PLEKHG1: variants seen among roughly 807,000 people sequenced by gnomAD.
PLEKHG1 encodes the protein pleckstrin homology domain-containing family G member 1.
PLEKHG1 carries 44 observed loss-of-function variants against 100.8 expected under a neutral mutation model. That is an observed-to-expected ratio of 0.44 (90% CI 0.34 to 0.56). The LOEUF is 0.56. PLEKHG1 is among the 20% of genes least tolerant of loss of function. The pLI, the probability that PLEKHG1 is intolerant of heterozygous loss-of-function variation, is 0.01. For missense variants in PLEKHG1, 1,545 were observed against 1,720.9 expected, an observed-to-expected ratio of 0.90 and a Z score of 1.81; for synonymous variants, 640 against 662.5, an observed-to-expected ratio of 0.97 and a Z score of 0.52.
intron 2 of PLEKHG1, among the ~76,000 whole-genome samples, chr6:150,761,515 G>C (rs1335455560): frequency 1.3e-5 from 2 of 151,718 alleles, no homozygotes; most frequent in South Asian, 2.1e-4. Context: ...GGCTGGTCTC[G>C]AACTCCTGAC....
At chr6:150,786,364 C>T (rs759279395) in intron 3 of PLEKHG1, 26 bp from the exon 5 acceptor site, 6 of 1,517,786 alleles carry the variant, frequency 4.0e-6, no homozygotes, top group Non-Finnish European at 5.5e-6. Flanking sequence ...CAATCTAATA[C>T]TTCCTGGCTG....
chr6:150,812,212 T>C (rs1787571256), intron 10 of PLEKHG1, among the ~76,000 whole-genome samples: 1 of 151,984 alleles, frequency 6.6e-6, no homozygotes, highest in Non-Finnish European at 1.5e-5. Context: ...GAAATTCAGG[T>C]CTTGGAAGCT....
chr6:150,765,381 T>C (rs1368522999), intron 2 of PLEKHG1, among the ~76,000 whole-genome samples: 3 of 151,734 alleles, frequency 2.0e-5, no homozygotes, highest in Non-Finnish European at 4.4e-5. Context: ...CAATCTCAGC[T>C]ACTCGAGGGG....
intron 15 of PLEKHG1, among the ~76,000 whole-genome samples, chr6:150,835,098 T>C (rs1777155901): frequency 6.6e-6 from 1 of 152,214 alleles, no homozygotes; most frequent in Admixed American, 6.5e-5. Context: ...GCCGAAACTC[T>C]CGAGCATCTT....
At chr6:150,609,198 C>T (rs955743769) in intron 1 of PLEKHG1, among the ~76,000 whole-genome samples, 1 of 152,138 alleles carries the variant, frequency 6.6e-6, no homozygotes, top group Non-Finnish European at 1.5e-5. Flanking sequence ...AACACATGTC[C>T]CTTTCTAAGT....
chr6:150,677,201 C>T (rs1779786401), intron 3 of PLEKHG1, among the ~76,000 whole-genome samples: 1 of 152,104 alleles, frequency 6.6e-6, no homozygotes, highest in Non-Finnish European at 1.5e-5. Flanking sequence ...AACATTCAGT[C>T]CAAAGTCTTT....
intron 3 of PLEKHG1, among the ~76,000 whole-genome samples, chr6:150,653,001 A>C (rs1214755188): frequency 6.6e-6 from 1 of 152,222 alleles, no homozygotes; most frequent in Non-Finnish European, 1.5e-5. Context: ...TGTTTTGCTA[A>C]CTGGTAAAAC....
chr6:150,671,786 GAGT>G, intron 3 of PLEKHG1, among the ~76,000 whole-genome samples: 1 of 152,352 alleles, frequency 6.6e-6, no homozygotes, highest in East Asian at 1.9e-4. Context: ...ATGAATGAAA[GAGT>G]GAATGAATGG....
chr6:150,740,083 C>T (rs2128621683), intron 2 of PLEKHG1, among the ~76,000 whole-genome samples: 1 of 152,344 alleles, frequency 6.6e-6, no homozygotes, highest in African/African-American at 2.4e-5. Context: ...ATCCAGGATT[C>T]AGGCCCAGAG....
At chr6:150,799,936 A>G (rs1021017164) in intron 5 of PLEKHG1, among the ~76,000 whole-genome samples, 1 of 152,150 alleles carries the variant, frequency 6.6e-6, no homozygotes, top group Non-Finnish European at 1.5e-5. Context: ...TGGCTTTGTG[A>G]TACGAGCATT....
intron 3 of PLEKHG1, among the ~76,000 whole-genome samples, chr6:150,779,357 T>TTTTTTTTTTTTA (rs1562511517): frequency 9.5e-5 from 14 of 147,274 alleles, no homozygotes; most frequent in African/African-American, 3.1e-4. Context: ...TTTTTTTTTT[T>TTTTTTTTTTTTA]TTTTTTGAGA....
chr6:150,703,399 A>C (rs907410537), intron 3 of PLEKHG1, among the ~76,000 whole-genome samples: 1 of 152,078 alleles, frequency 6.6e-6, no homozygotes, highest in Non-Finnish European at 1.5e-5. Flanking sequence ...TCAGGAGTTA[A>C]AGACCAGCCT....
chr6:150,745,209 A>C (rs980930119), intron 2 of PLEKHG1, among the ~76,000 whole-genome samples: 1 of 152,246 alleles, frequency 6.6e-6, no homozygotes, highest in Non-Finnish European at 1.5e-5. Context: ...GCATCTTACT[A>C]TACTGAATAA....
chr6:150,644,334 G>GTT (rs57840463), intron 2 of PLEKHG1, among the ~76,000 whole-genome samples: 2,101 of 117,568 alleles, frequency 0.018, 52 homozygotes, highest in Admixed American at 0.023. Context: ...TTCTTTTCGT[G>GTT]TTTTTTTTTT....
intron 4 of PLEKHG1, among the ~76,000 whole-genome samples, chr6:150,789,610 A>G (rs1785848334): frequency 6.6e-6 from 1 of 152,250 alleles, no homozygotes; most frequent in Non-Finnish European, 1.5e-5. Flanking sequence ...TGCAATGTCA[A>G]CCTAATTTCA....
Position 150,600,593 on chromosome 6 carries a change from T to C in PLEKHG1, c.-204+576T>C, listed in dbSNP as rs7754126. On this transcript the variant is annotated intron_variant, in intron 1 of 3. Coordinates refer to the PLEKHG1 transcript ENST00000367326. This position sits in a 1 kb window ranked among gnomAD's most constrained non-coding sequence, Gnocchi z 6.2. ...CTTGGGGGCGCCCCCGTTCTGCAGA[T>C]GCGCTTTTCAGGGGGTGGGGAGTCA... Among the ~76,000 whole-genome samples, 115,639 of 152,168 alleles carry C rather than the reference T, an allele frequency of 0.76. 44,343 individuals are homozygous for C. Among genetic ancestry groups the C allele is most frequent in the Non-Finnish European group, 0.82 (55,566 of 67,990 alleles).
At chr6:150,619,812 T>C (rs1777220657) in intron 1 of PLEKHG1, among the ~76,000 whole-genome samples, 1 of 152,222 alleles carries the variant, frequency 6.6e-6, no homozygotes. Context: ...GGGCTTAGGA[T>C]AGCGCTACTC....
rs564638263 is a variant in PLEKHG1, at chr6:150,712,984, C to T, written c.-98-20600C>T. ...AATTGTTGGTAGTTTACATCGGCAA[C>T]GTCCCACGCTGCTTCACAGCACTCA... On this transcript the variant is annotated intron_variant, in intron 3 of 3. Coordinates refer to the PLEKHG1 transcript ENST00000367326. 9.8e-5 allele frequency among the ~76,000 whole-genome samples: 15 copies of T among 152,314 alleles called. No homozygotes were observed. In the South Asian group the frequency reaches 2.9e-3, roughly 29 times the overall value.
intron 1 of PLEKHG1, among the ~76,000 whole-genome samples, chr6:150,602,350 A>G (rs1275156784): frequency 2.0e-5 from 3 of 152,216 alleles, no homozygotes; most frequent in African/African-American, 7.2e-5. Flanking sequence ...GGGCTCTTGG[A>G]TGACCTAGTC....
Sources: gnomAD v4.1 joint callset for allele counts (sites outside exome capture counted in the v4.1 genomes callset) on GRCh38, gnomAD v4.1.1 for gene constraint, Gnocchi (gnomAD v3.1) non-coding constraint, MANE v1.5 for transcripts, NCBI Gene and HGNC (gene_info 2026-07-23, HGNC 2026-07-21) for gene names.